The following THTPA variants were observed in gnomAD, a reference collection of about 807,000 sequenced individuals.
THTPA encodes the protein thiamine triphosphatase, also known as thiamine-triphosphatase.
In THTPA, 16 loss-of-function variants were observed where a neutral mutation model predicts 16.5. The ratio of observed to expected loss-of-function variants is 0.97; its 90% CI spans 0.66 to 1.47. THTPA has a LOEUF of 1.47. Ranked by LOEUF, THTPA falls within the 40% of genes most tolerant of loss-of-function variation. The pLI is 0.00. For missense variants in THTPA, 281 were observed against 280.9 expected (o/e 1.00, Z 0.00); for synonymous variants, 110 against 115.5 (o/e 0.95, Z 0.30).
upstream of THTPA, among the ~76,000 whole-genome samples, chr14:23,553,523 CG>C (rs201873180): frequency 0.011 from 1,683 of 151,306 alleles, 39 homozygotes; most frequent in African/African-American, 0.039. Context: ...CGCTTGAACC[CG>C]GGGGGCAGAG....
At chr14:23,522,987 C>T in the THTPA span, 1 of 1,425,310 alleles carries the variant, frequency 7.0e-7, no homozygotes, top group Non-Finnish European at 9.1e-7. Context: ...TCTCCTGTCC[C>T]ATCATTCTTC....
the THTPA span, chr14:23,530,341 C>T: frequency 9.9e-6 from 7 of 710,516 alleles, no homozygotes; most frequent in Admixed American, 6.3e-5. Context: ...GAAAAGCCAA[C>T]AAAAAGAAAC....
the THTPA span, among the ~76,000 whole-genome samples, chr14:23,538,593 G>A: frequency 6.6e-6 from 1 of 151,850 alleles, no homozygotes; most frequent in Admixed American, 6.6e-5. Flanking sequence ...CAGACCCATC[G>A]CCATTCTTCC....
chr14:23,545,020 A>C, the THTPA span, among the ~76,000 whole-genome samples: 2 of 147,852 alleles, frequency 1.4e-5, no homozygotes, highest in African/African-American at 5.0e-5. Context: ...TCTTCTCTTC[A>C]CTCATCACCC....
the THTPA span, among the ~76,000 whole-genome samples, chr14:23,518,378 G>T: frequency 1.3e-5 from 2 of 152,300 alleles, no homozygotes; most frequent in African/African-American, 2.4e-5. The surrounding 1 kb of genome is among the most constrained non-coding windows in gnomAD (Gnocchi z 4.5). Flanking sequence ...AGGCTTGCTT[G>T]GTTCTTAAGC....
At chr14:23,553,392 G>C (rs989560262), upstream of THTPA, among the ~76,000 whole-genome samples, 1 of 151,956 alleles carries the variant, frequency 6.6e-6, no homozygotes, top group African/African-American at 2.4e-5. Context: ...CTGAGGTCAG[G>C]AGTTCGAGAC....
At chr14:23,528,664 C>T in the THTPA span, 1 of 985,442 alleles carries the variant, frequency 1.0e-6, no homozygotes, top group Non-Finnish European at 1.2e-6. Flanking sequence ...CTCCCTCAGG[C>T]TCAGCAGCTC....
chr14:23,528,615 G>C, the THTPA span: 1 of 985,336 alleles, frequency 1.0e-6, no homozygotes, highest in Non-Finnish European at 1.2e-6. Context: ...CCATCACCTG[G>C]AAAGGGGCCC....
chr14:23,539,708 A>G, the THTPA span, among the ~76,000 whole-genome samples: 1 of 152,162 alleles, frequency 6.6e-6, no homozygotes, highest in South Asian at 2.1e-4. Flanking sequence ...CCCATCCCCC[A>G]GCAAGACCAG....
chr14:23,525,239 C>T, the THTPA span: 26 of 1,536,008 alleles, frequency 1.7e-5, no homozygotes, highest in East Asian at 7.3e-5. This position sits in a 1 kb window ranked among gnomAD's most constrained non-coding sequence, Gnocchi z 5.9. Flanking sequence ...TGCTCGACTT[C>T]GCTCTTCAGG....
At position 23,559,056 on chromosome 14, in the gene THTPA, T is replaced by C. The variant is rs1595225408; in HGVS notation, c.*216T>C. On this transcript the variant is annotated 3_prime_UTR_variant, in exon 2 of 2. Transcript: ENST00000288014. ...AGATGCAATCTGTGGGCCGCCCCTC[T>C]CCCCTGGCCGCTAAGCAGCCTCCAT... 1.7e-6 allele frequency: 1 copy of C among 577,938 alleles called. No individual in the cohort carries two copies. The highest frequency in any genetic ancestry group is 3.0e-6 in the Non-Finnish European group (1 of 330,896). The allele number at this position is 577,938 out of a possible 1,614,324, so 35.8% of individuals were successfully genotyped here. A position where few individuals can be genotyped will look rare whatever the true frequency, so the allele number is the denominator to read the frequency against.
At chr14:23,524,642 G>A in the THTPA span, 1 of 1,536,416 alleles carries the variant, frequency 6.5e-7, no homozygotes, top group Non-Finnish European at 8.7e-7. The surrounding 1 kb of genome is among the most constrained non-coding windows in gnomAD (Gnocchi z 5.6). Context: ...GGTATGGGCT[G>A]GGGAAGGTGA....
rs990536998 is a variant in THTPA at position 23,559,629 on chromosome 14, A to C, written c.*789A>C. ...TTGTGGGAGAAGGGGGCTGGTCCCCAGTTTTTGCAGTGCAAAGCCAGAGCG... is the reference window on the plus strand; with the variant it reads ...TTGTGGGAGAAGGGGGCTGGTCCCCCGTTTTTGCAGTGCAAAGCCAGAGCG... On this transcript the variant is annotated 3_prime_UTR_variant, in exon 2 of 2. Transcript: ENST00000288014. 3 of 822,214 alleles carry C rather than the reference A, an allele frequency of 3.6e-6. No homozygotes were observed. The highest frequency in any genetic ancestry group is 4.0e-6 in the Non-Finnish European group (2 of 499,852). 50.9% of individuals were successfully genotyped at this position (822,214 alleles called of 1,614,324 possible).
the THTPA span, chr14:23,528,850 C>T: frequency 2.0e-6 from 2 of 985,136 alleles, no homozygotes; most frequent in East Asian, 1.1e-4. Flanking sequence ...GCCAGACCTA[C>T]CCAGCCTGCA....
At chr14:23,530,893 C>G in the THTPA span, 1 of 218,788 alleles carries the variant, frequency 4.6e-6, no homozygotes, top group Non-Finnish European at 9.0e-6. Flanking sequence ...CCTCTGGCAG[C>G]CCCTTGCAGG....
the THTPA span, chr14:23,533,306 C>T: frequency 6.3e-6 from 9 of 1,436,944 alleles, no homozygotes; most frequent in South Asian, 1.3e-4. This position sits in a 1 kb window ranked among gnomAD's most constrained non-coding sequence, Gnocchi z 4.8. Context: ...AACTTGCGGG[C>T]AGGTGCTCCT....
the THTPA span, among the ~76,000 whole-genome samples, chr14:23,520,457 AAG>A: frequency 6.6e-6 from 1 of 152,218 alleles, no homozygotes; most frequent in Admixed American, 6.5e-5. This position sits in a 1 kb window ranked among gnomAD's most constrained non-coding sequence, Gnocchi z 8.7. Flanking sequence ...CAGGAGATGA[AAG>A]AGAAGCAGAT....
chr14:23,533,152 G>T, the THTPA span: 1 of 1,459,668 alleles, frequency 6.9e-7, no homozygotes. The surrounding 1 kb of genome is among the most constrained non-coding windows in gnomAD (Gnocchi z 4.8). Context: ...TATGTGGGGA[G>T]GTGGGTTAAT....
chr14:23,522,979 T>G, the THTPA span: 22 of 1,427,990 alleles, frequency 1.5e-5, no homozygotes, highest in Non-Finnish European at 1.9e-5. Context: ...ATTAGCCATC[T>G]CCTGTCCCAT....
Sources: allele counts gnomAD v4.1 joint callset (sites outside exome capture counted in the v4.1 genomes callset), GRCh38; gene constraint gnomAD v4.1.1; non-coding constraint Gnocchi (gnomAD v3.1); transcripts MANE v1.5; gene names NCBI Gene and HGNC (gene_info 2026-07-23, HGNC 2026-07-21).